The following EPHA7 variants were observed in gnomAD, a reference collection of about 807,000 sequenced individuals.
EPHA7 encodes the protein ephrin type-A receptor 7.
Under a neutral mutation model 112.6 loss-of-function variants are expected in EPHA7, and 25 were observed. The ratio of observed to expected loss-of-function variants is 0.22; its 90% confidence interval spans 0.16 to 0.31. The LOEUF (loss-of-function observed/expected upper bound fraction) is 0.31. EPHA7 is among the 10% of genes least tolerant of loss of function. EPHA7 has a pLI of 1.00. For missense variants in EPHA7, 962 were observed against 1,212.6 expected (o/e 0.79, Z 3.07); for synonymous variants, 437 against 406.5 (o/e 1.07, Z -0.90).
chr6:93,395,291 CATT>C (rs1220503828), intron 3 of EPHA7, among the ~76,000 whole-genome samples: 1 of 151,770 alleles, frequency 6.6e-6, no homozygotes, highest in Non-Finnish European at 1.5e-5. Flanking sequence ...TATATTCCTT[CATT>C]ATGTTTTGAG....
intron 8 of EPHA7, among the ~76,000 whole-genome samples, chr6:93,264,204 T>C (rs559296382): frequency 5.9e-5 from 9 of 151,598 alleles, no homozygotes; most frequent in African/African-American, 1.7e-4. Flanking sequence ...TATTCATGAG[T>C]CACAAATAGT....
In EPHA7 at chr6:93,335,879, T is replaced by G. The variant is rs1430727994; in HGVS notation, c.1324+20838A>C. ...TCAAATCACACATAGTGAAATTATCTAATTCATTTCTTGATATAATCCAGA... is the reference window on the plus strand; with the variant it reads ...TCAAATCACACATAGTGAAATTATCGAATTCATTTCTTGATATAATCCAGA... On this transcript the variant is annotated intron_variant, in intron 5 of 16. Transcript: ENST00000369303. Among the ~76,000 whole-genome samples, 4 of 152,138 alleles carry G rather than the reference T, an allele frequency of 2.6e-5. No homozygotes were observed. The East Asian group carries it at 7.7e-4, about 29-fold the overall frequency.
At chr6:93,244,436 C>T (rs1432697146) in intron 16 of EPHA7, among the ~76,000 whole-genome samples, 1 of 152,060 alleles carries the variant, frequency 6.6e-6, no homozygotes, top group Non-Finnish European at 1.5e-5. Context: ...AAAACGATGA[C>T]AGTACAATAT....
At chr6:93,300,093 A>G (rs761540291) in intron 5 of EPHA7, among the ~76,000 whole-genome samples, 1 of 152,190 alleles carries the variant, frequency 6.6e-6, no homozygotes, top group African/African-American at 2.4e-5. Context: ...GTTTATCTAC[A>G]TAACAAACCT....
Position 93,243,381 on chromosome 6 carries a change from G to A in EPHA7, c.*45C>T. The A allele has an allele frequency of 1.4e-6, 2 of 1,437,276 alleles. No homozygotes were observed. The highest frequency in any genetic ancestry group is 2.3e-5 in the East Asian group (1 of 43,916). The allele number at this position is 1,437,276 out of a possible 1,614,324, so 89.0% of individuals were successfully genotyped here. ...TATGCATATACTGAAGGCCAGTACT[G>A]TTCTCTTGCAGTCTGTAATCTCCCT... On this transcript the variant is annotated 3_prime_UTR_variant, in exon 17 of 17. Transcript: ENST00000369303.
chr6:93,368,980 A>G (rs1776647975), intron 3 of EPHA7, among the ~76,000 whole-genome samples: 1 of 152,074 alleles, frequency 6.6e-6, no homozygotes, highest in Non-Finnish European at 1.5e-5. Context: ...ATCATAAAGA[A>G]ATCAGTTTAC....
intron 14 of EPHA7, among the ~76,000 whole-genome samples, chr6:93,247,414 G>C (rs1042540683): frequency 2.0e-5 from 3 of 152,052 alleles, no homozygotes; most frequent in African/African-American, 7.3e-5. Context: ...TTTTAAACAG[G>C]GTAGCAAAAT....
chr6:93,259,922 C>T (rs578118243), intron 9 of EPHA7, among the ~76,000 whole-genome samples: 3 of 151,940 alleles, frequency 2.0e-5, no homozygotes, highest in Non-Finnish European at 4.4e-5. Flanking sequence ...GCCTACTACA[C>T]TGACAGCAAT....
chr6:93,394,575 A>T (rs1334137022), intron 3 of EPHA7, among the ~76,000 whole-genome samples: 1 of 151,908 alleles, frequency 6.6e-6, no homozygotes, highest in East Asian at 1.9e-4. Context: ...GTCAAAAAAG[A>T]ACTAAGAAGA....
At chr6:93,282,297 T>C (rs1270631251) in intron 5 of EPHA7, among the ~76,000 whole-genome samples, 1 of 152,232 alleles carries the variant, frequency 6.6e-6, no homozygotes, top group East Asian at 1.9e-4. Context: ...TAAATAAAAC[T>C]TCCATTACGG....
chr6:93,312,890 GAGGGAGTGAGAT>G (rs907515275), intron 5 of EPHA7, among the ~76,000 whole-genome samples: 1 of 152,134 alleles, frequency 6.6e-6, no homozygotes, highest in Non-Finnish European at 1.5e-5. Flanking sequence ...AGCCCAAGGA[GAGGGAGTGAGAT>G]AGGGAAATAG....
Position 93,305,743 on chromosome 6 carries a change from T to C in EPHA7, c.1325-33321A>G, listed in dbSNP as rs191972896. 2.0e-5 allele frequency among the ~76,000 whole-genome samples: 3 copies of C among 152,026 alleles called. No homozygotes were observed. In the East Asian group the frequency reaches 5.8e-4, roughly 29 times the overall value. The stretch of plus-strand genomic sequence containing the variant: ...TTATTTCATTACCTACGGGAATAGA[T>C]TTTTTTGTTTGCTACTGTCAATACC... On this transcript the variant is annotated intron_variant, in intron 5 of 16. Transcript: ENST00000369303.
chr6:93,257,579 C>A lies in EPHA7; in HGVS notation c.2111-56G>T, dbSNP rs866786538. 19 of 1,098,838 alleles carry A rather than the reference C, an allele frequency of 1.7e-5. No homozygotes were observed. In the African/African-American group the frequency reaches 2.0e-4, roughly 12 times the overall value. 68.1% of individuals were successfully genotyped at this position (1,098,838 alleles called of 1,614,324 possible). A position where few individuals can be genotyped will look rare whatever the true frequency, so the allele number is the denominator to read the frequency against. The stretch of plus-strand genomic sequence containing the variant: ...CGTAACCTGAGCTGGAGGGTCATTT[C>A]CTTTCTCATCCCCCAATAAAACACA... On this transcript the variant is annotated intron_variant, in intron 11 of 16. Transcript: ENST00000369303.
At chr6:93,387,478 T>A (rs1288617163) in intron 3 of EPHA7, among the ~76,000 whole-genome samples, 1 of 152,128 alleles carries the variant, frequency 6.6e-6, no homozygotes, top group Admixed American at 6.6e-5. Flanking sequence ...CTCTGCCTGT[T>A]ACCTATTTCC....
chr6:93,282,940 C>A (rs1031727523), intron 5 of EPHA7, among the ~76,000 whole-genome samples: 3 of 152,304 alleles, frequency 2.0e-5, no homozygotes, highest in African/African-American at 2.4e-5. Flanking sequence ...AGCGCTGCCC[C>A]CTTCTCCACC....
chr6:93,342,116 A>G (rs1320189469), intron 5 of EPHA7, among the ~76,000 whole-genome samples: 1 of 151,826 alleles, frequency 6.6e-6, no homozygotes, highest in Non-Finnish European at 1.5e-5. Flanking sequence ...TGGGAATGTA[A>G]TTAAAGTGCA....
chr6:93,243,402 T>C lies in EPHA7; in HGVS notation c.*24A>G, dbSNP rs755745116. ...TACTGTTCTCTTGCAGTCTGTAATC[T>C]CCCTTAAAAGGGAGAAATGCATATC... On this transcript the variant is annotated 3_prime_UTR_variant, in exon 17 of 17. Transcript: ENST00000369303. 1 of 1,560,838 alleles carries C rather than the reference T, an allele frequency of 6.4e-7. No homozygotes were observed. The highest frequency in any genetic ancestry group is 2.2e-5 in the East Asian group (1 of 44,552).
At chr6:93,414,816 C>G (rs1486540012) in intron 1 of EPHA7, 49 bp from the exon 2 acceptor site, 1 of 1,379,452 alleles carries the variant, frequency 7.2e-7, no homozygotes, top group South Asian at 1.2e-5. Context: ...CACTTACGCA[C>G]ACATGTAGAC....
chr6:93,324,070 A>AT (rs561596856), intron 5 of EPHA7, among the ~76,000 whole-genome samples: 166 of 151,476 alleles, frequency 1.1e-3, no homozygotes, highest in Middle Eastern at 0.01. Context: ...CACAACAAAT[A>AT]TTTTTGAGAT....
Sources: gnomAD v4.1 joint callset for allele counts (sites outside exome capture counted in the v4.1 genomes callset) on GRCh38, gnomAD v4.1.1 for gene constraint, MANE v1.5 for transcripts, NCBI Gene and HGNC (gene_info 2026-07-23, HGNC 2026-07-21) for gene names.